Variants in ASH1L observed in about 807,000 individuals in gnomAD.
The protein encoded by ASH1L is histone-lysine N-methyltransferase ASH1L.
Under a neutral mutation model 269.0 loss-of-function variants are expected in ASH1L, and 23 were observed. The observed-to-expected ratio is 0.09, with a 90% CI of 0.06 to 0.12. The LOEUF is 0.12. Among genes scored for constraint, ASH1L ranks in the 10% least tolerant of loss-of-function variants. ASH1L has a pLI of 1.00. For missense variants in ASH1L, 2,912 were observed against 3,567.8 expected, an observed-to-expected ratio of 0.82 and a Z score of 4.68; for synonymous variants, 1,187 against 1,253.5, an observed-to-expected ratio of 0.95 and a Z score of 1.12.
intron 19 of ASH1L, 103 bp from the exon 20 acceptor site, chr1:155,348,007 T>A: frequency 6.8e-7 from 1 of 1,467,196 alleles, no homozygotes; most frequent in Admixed American, 1.9e-5. Flanking sequence ...ACCCTCCCAT[T>A]TTGGTTAACA....
chr1:155,371,508 A>G lies in ASH1L; in HGVS notation c.6333-525T>C, dbSNP rs377680289. On this transcript the variant is annotated intron_variant, in intron 10 of 27. Transcript: ENST00000392403. ...GGTCGCAGTAAGCAGAGATCGCACC[A>G]CTGCGCTCCAGCCTGGGCGACAGAG... Among the ~76,000 whole-genome samples the G allele has an allele frequency of 1.1e-4, 17 of 152,282 alleles. No homozygotes were observed. The East Asian group carries it at 2.5e-3, about 22-fold the overall frequency.
chr1:155,383,045 A>G (rs1657121166), intron 7 of ASH1L, among the ~76,000 whole-genome samples: 1 of 152,370 alleles, frequency 6.6e-6, no homozygotes, highest in East Asian at 1.9e-4. Flanking sequence ...TTAACTAAAA[A>G]AGTTTAAAAA....
chr1:155,339,316 C>CA lies in ASH1L; in HGVS notation c.8501+11dup, dbSNP rs757587677. On this transcript the variant is annotated intron_variant, in intron 26 of 27. Coordinates refer to ENST00000392403, the MANE Select transcript of ASH1L (RefSeq NM_018489.3). ...ATCCCTTAGGATCCTCATATCCCCC[C>CA]ATGGGACTTACCGTCCTCCATTCCT... is the stretch of plus-strand genomic sequence containing the variant. 9.3e-6 allele frequency: 15 copies of CA among 1,612,726 alleles called. No homozygotes were observed. The African/African-American group carries it at 2.0e-4, about 22-fold the overall frequency.
chr1:155,378,533 C>T lies in ASH1L; in HGVS notation c.6193G>A (p.Asp2065Asn). The change falls in exon 9 of 28, where the codon GAT (aspartate) becomes AAT (asparagine). Residue 2065 changes from aspartate to asparagine, a missense_variant. By Grantham distance (23) the Asp-to-Asn change is conservative (BLOSUM62 1). Transcript: ENST00000392403. The stretch of plus-strand genomic sequence containing the variant: ...CGAATTTTCTTATATAGTGGGACAT[C>T]TGGCTTTTTGTATAGCTAGAAGAAA... The part of the protein sequence containing the change: ...WKHNQLYKKP[D>N]VPLYKKIRSN... 1.2e-6 allele frequency: 2 copies of T among 1,612,820 alleles called. No individual in the cohort carries two copies. The highest frequency in any genetic ancestry group is 1.7e-6 in the Non-Finnish European group (2 of 1,179,622).
chr1:155,466,814 G>T (rs747806473), intron 3 of ASH1L, among the ~76,000 whole-genome samples: 1 of 152,106 alleles, frequency 6.6e-6, no homozygotes, highest in East Asian at 1.9e-4. Flanking sequence ...CCTTCTAACT[G>T]TTGCATAGGT....
chr1:155,343,086 A>G lies in ASH1L; in HGVS notation c.8293+228T>C. ...GAGTGCAGTGGTGCGATCTTGGCTCACTGCAACCTCTGCCTCCCAGGCTCA... is the reference window on the plus strand; with the variant it reads ...GAGTGCAGTGGTGCGATCTTGGCTCGCTGCAACCTCTGCCTCCCAGGCTCA... On this transcript the variant is annotated intron_variant, in intron 24 of 27. Transcript: ENST00000392403. This position sits in a 1 kb window ranked among gnomAD's most constrained non-coding sequence, Gnocchi z 6.1. 1 of 454,584 alleles carries G rather than the reference A, an allele frequency of 2.2e-6. No individual in the cohort carries two copies. Among genetic ancestry groups the G allele is most frequent in the Admixed American group, 3.9e-5 (1 of 25,520 alleles). 28.2% of individuals were successfully genotyped at this position (454,584 alleles called of 1,614,324 possible).
rs1282994066 is a variant in ASH1L, at chr1:155,357,624, T to C, written c.6921A>G (p.Ser2307=). ...TGTGCTTAGACTTTCTCTTCTCTTT[T>C]GACCGTCCAGATTTTTTGTGTGTGG... is the stretch of plus-strand genomic sequence containing the variant. ...PMATHKKSGR[S]KEKRKSKHKL... The change falls in exon 14 of 28, where the codon TCA becomes TCG. Residue 2307 remains serine (S), a synonymous_variant. Transcript: ENST00000392403. 2.5e-6 allele frequency: 4 copies of C among 1,614,060 alleles called. No homozygotes were observed. The African/African-American group carries it at 5.3e-5, about 22-fold the overall frequency.
chr1:155,381,407 G>A (rs1471752223), intron 7 of ASH1L, among the ~76,000 whole-genome samples: 5 of 151,846 alleles, frequency 3.3e-5, no homozygotes, highest in East Asian at 1.9e-4. Flanking sequence ...AAAATTAGCC[G>A]GGTGTGGTGG....
At chr1:155,492,211 G>A (rs983150565) in intron 2 of ASH1L, among the ~76,000 whole-genome samples, 2 of 151,102 alleles carry the variant, frequency 1.3e-5, no homozygotes, top group African/African-American at 4.9e-5. Flanking sequence ...AGAATGCCTG[G>A]CTAATTCTGT....
chr1:155,424,517 C>T (rs1461025137), intron 5 of ASH1L, among the ~76,000 whole-genome samples: 1 of 151,828 alleles, frequency 6.6e-6, no homozygotes, highest in African/African-American at 2.4e-5. Flanking sequence ...AAGCGATTCT[C>T]CTGCCTCAGC....
intron 2 of ASH1L, among the ~76,000 whole-genome samples, chr1:155,485,031 G>C (rs950475607): frequency 1.3e-5 from 2 of 151,500 alleles, no homozygotes; most frequent in Admixed American, 1.3e-4. Flanking sequence ...GGCCAAGACG[G>C]GTGGATCACC....
In ASH1L at chr1:155,537,278, C is replaced by T. The variant is rs186645767; in HGVS notation, c.-99-15660G>A. Among the ~76,000 whole-genome samples, 7 of 152,120 alleles carry T rather than the reference C, an allele frequency of 4.6e-5. No homozygotes were observed. In the East Asian group the frequency reaches 7.7e-4, roughly 17 times the overall value. On this transcript the variant is annotated intron_variant, in intron 1 of 27. Transcript: ENST00000392403. ...CTTGGGCATTATTCACTCACTGAAACGAATTTAAAGAAACAAACAAGAAGA... is the reference window on the plus strand; with the variant it reads ...CTTGGGCATTATTCACTCACTGAAATGAATTTAAAGAAACAAACAAGAAGA...
intron 4 of ASH1L, among the ~76,000 whole-genome samples, chr1:155,448,746 C>T (rs1319649031): frequency 6.6e-6 from 1 of 151,898 alleles, no homozygotes; most frequent in Non-Finnish European, 1.5e-5. Context: ...CTGCCCGCCT[C>T]GGCCTCCCAA....
intron 10 of ASH1L, among the ~76,000 whole-genome samples, chr1:155,372,196 T>A (rs1656014803): frequency 6.6e-6 from 1 of 152,152 alleles, no homozygotes; most frequent in Non-Finnish European, 1.5e-5. Context: ...TTCACCATGT[T>A]GGCCAGGCTG....
intron 7 of ASH1L, among the ~76,000 whole-genome samples, chr1:155,385,236 A>G (rs1657329845): frequency 6.6e-6 from 1 of 152,192 alleles, no homozygotes; most frequent in Non-Finnish European, 1.5e-5. Context: ...TGAGGTCAGG[A>G]GTTCCAGACC....
intron 3 of ASH1L, among the ~76,000 whole-genome samples, chr1:155,462,630 T>C (rs1410679523): frequency 1.3e-5 from 2 of 152,216 alleles, no homozygotes; most frequent in Non-Finnish European, 2.9e-5. Flanking sequence ...ATGGCTTACT[T>C]AGCTCACTTA....
chr1:155,368,610 C>A (rs1655649980), intron 12 of ASH1L, among the ~76,000 whole-genome samples: 1 of 152,052 alleles, frequency 6.6e-6, no homozygotes, highest in African/African-American at 2.4e-5. Context: ...GCGCCTACCA[C>A]CACGCCCGGC....
chr1:155,361,643 G>A (rs1164872762), intron 12 of ASH1L, among the ~76,000 whole-genome samples: 4 of 151,768 alleles, frequency 2.6e-5, no homozygotes, highest in Admixed American at 1.3e-4. Flanking sequence ...AGGTTGCGGT[G>A]AGCCAAGATC....
At chr1:155,396,702 G>A (rs1007581838) in intron 6 of ASH1L, among the ~76,000 whole-genome samples, 2 of 151,570 alleles carry the variant, frequency 1.3e-5, no homozygotes, top group African/African-American at 4.8e-5. Flanking sequence ...AGTGGCTCAC[G>A]CTTGTAATCC....
Sources: gnomAD v4.1 joint callset for allele counts (sites outside exome capture counted in the v4.1 genomes callset) on GRCh38, gnomAD v4.1.1 for gene constraint, Gnocchi (gnomAD v3.1) non-coding constraint, MANE v1.5 for transcripts, NCBI Gene and HGNC (gene_info 2026-07-23, HGNC 2026-07-21) for gene names.